Variants in RNF24 observed in about 807,000 individuals in gnomAD.
RNF24 encodes ring finger protein 24.
In RNF24, 14 loss-of-function variants were observed where a neutral mutation model predicts 20.0. The observed-to-expected ratio is 0.70, with a 90% CI of 0.46 to 1.10. RNF24 has a LOEUF of 1.10. RNF24 is among the 50% of genes least tolerant of loss of function. The pLI, the probability that RNF24 is intolerant of heterozygous loss-of-function variation, is 0.00. For missense variants in RNF24, 124 were observed against 177.6 expected (o/e 0.70, Z 1.71); for synonymous variants, 45 against 61.1 (o/e 0.74, Z 1.23).
Position 3,959,647 on chromosome 20 carries a change from G to C in RNF24, c.143+4228C>G, listed in dbSNP as rs2091180011. On this transcript the variant is annotated intron_variant, in intron 2 of 5. Transcript: ENST00000358395. ...ATATGTTGTCATATGTGGCTCTACA[G>C]GGTTAATAACAAAAAATCAGCAGTC... 3.3e-5 allele frequency among the ~76,000 whole-genome samples: 5 copies of C among 152,070 alleles called. No homozygotes were observed. In the South Asian group the frequency reaches 8.3e-4, roughly 25 times the overall value.
intron 1 of RNF24, among the ~76,000 whole-genome samples, chr20:3,992,481 T>A (rs1255602727): frequency 6.6e-6 from 1 of 151,114 alleles, no homozygotes; most frequent in Non-Finnish European, 1.5e-5. Flanking sequence ...ACAAGAAATA[T>A]AAAATTTCAT....
intron 2 of RNF24, among the ~76,000 whole-genome samples, chr20:3,952,762 T>G (rs2091096525): frequency 6.6e-6 from 1 of 152,198 alleles, no homozygotes; most frequent in South Asian, 2.1e-4. Flanking sequence ...AAAAAAATCA[T>G]GAATAGGTAT....
intron 2 of RNF24, among the ~76,000 whole-genome samples, chr20:3,950,272 T>C (rs576250544): frequency 4.6e-5 from 7 of 152,320 alleles, no homozygotes; most frequent in East Asian, 3.9e-4. Context: ...TGAGGTTATA[T>C]TGGATTAAGA....
chr20:3,940,971 A>G (rs1347545580), intron 4 of RNF24, among the ~76,000 whole-genome samples: 1 of 152,236 alleles, frequency 6.6e-6, no homozygotes, highest in Admixed American at 6.5e-5. Context: ...CTGGGAATGC[A>G]TAGCAACAGA....
intron 1 of RNF24, among the ~76,000 whole-genome samples, chr20:4,007,738 C>CAAA (rs1161702317): frequency 1.6e-3 from 90 of 56,264 alleles, no homozygotes; most frequent in African/African-American, 2.5e-3. Flanking sequence ...CCTGTCTCTA[C>CAAA]AAAAAAAAAA....
intron 2 of RNF24, among the ~76,000 whole-genome samples, chr20:3,962,426 A>G (rs1369085848): frequency 6.6e-6 from 1 of 152,214 alleles, no homozygotes; most frequent in African/African-American, 2.4e-5. Flanking sequence ...GATGCAACAA[A>G]AAGTGTAACA....
chr20:3,958,215 T>C (rs2091164247), intron 2 of RNF24, among the ~76,000 whole-genome samples: 1 of 152,224 alleles, frequency 6.6e-6, no homozygotes, highest in Non-Finnish European at 1.5e-5. Context: ...CTCTTATGTG[T>C]GTCTCTTTTC....
intron 1 of RNF24, 69 bp from the exon 2 acceptor site, chr20:3,964,093 G>T: frequency 7.1e-7 from 1 of 1,407,592 alleles, no homozygotes; most frequent in Non-Finnish European, 9.9e-7. Context: ...TTATCATTGT[G>T]CACGTATAGA....
chr20:3,990,751 T>C (rs1980365312), intron 1 of RNF24, among the ~76,000 whole-genome samples: 1 of 152,028 alleles, frequency 6.6e-6, no homozygotes, highest in African/African-American at 2.4e-5. Context: ...TGGCACATGC[T>C]TTTAGTCCTA....
chr20:3,960,115 T>A (rs932510187), intron 2 of RNF24, among the ~76,000 whole-genome samples: 7 of 152,294 alleles, frequency 4.6e-5, no homozygotes, highest in African/African-American at 1.7e-4. Flanking sequence ...TGTTTAGACC[T>A]AAGTTATAGT....
intron 4 of RNF24, among the ~76,000 whole-genome samples, chr20:3,943,245 A>G (rs1437853519): frequency 6.6e-6 from 1 of 152,214 alleles, no homozygotes; most frequent in Non-Finnish European, 1.5e-5. Flanking sequence ...GTAAAGGTCA[A>G]TTCTCTCCAA....
chr20:3,963,654 A>AT (rs1568632786), intron 2 of RNF24, among the ~76,000 whole-genome samples: 2 of 152,310 alleles, frequency 1.3e-5, no homozygotes, highest in East Asian at 3.9e-4. Context: ...AATAAGGACA[A>AT]TTTTCTCCTA....
intron 1 of RNF24, among the ~76,000 whole-genome samples, chr20:3,996,394 T>C (rs1410257857): frequency 6.6e-6 from 1 of 152,224 alleles, no homozygotes; most frequent in East Asian, 1.9e-4. Context: ...TGTATATTAG[T>C]ATATTCTCCG....
chr20:3,946,335 T>C (rs2091016413), intron 3 of RNF24, among the ~76,000 whole-genome samples: 1 of 152,126 alleles, frequency 6.6e-6, no homozygotes, highest in African/African-American at 2.4e-5. Context: ...GGTGTGGTGG[T>C]GCACGCCTGT....
At chr20:3,978,899 A>G (rs1196679168) in intron 1 of RNF24, among the ~76,000 whole-genome samples, 1 of 151,996 alleles carries the variant, frequency 6.6e-6, no homozygotes, top group Non-Finnish European at 1.5e-5. Flanking sequence ...TGAGGTCAGG[A>G]GTTCAAGATC....
At chr20:4,006,699 TC>T (rs1000566317) in intron 1 of RNF24, among the ~76,000 whole-genome samples, 2 of 152,218 alleles carry the variant, frequency 1.3e-5, no homozygotes, top group African/African-American at 4.8e-5. Context: ...CAGTTTCCTT[TC>T]CCTTGCCACT....
chr20:4,006,083 T>A (rs1331279166), intron 1 of RNF24, among the ~76,000 whole-genome samples: 1 of 152,120 alleles, frequency 6.6e-6, no homozygotes, highest in Non-Finnish European at 1.5e-5. Context: ...TTCTATAGAA[T>A]CTATGGTTTA....
At position 3,968,256 on chromosome 20, in the gene RNF24, C is replaced by T. The variant is rs535112008; in HGVS notation, c.-7-4232G>A. ...GGCAGAGGTTGCAGTGAGCTGAGATCGCACCATTGCACTCCAGCCTGGGAC... is the reference window on the plus strand; with the variant it reads ...GGCAGAGGTTGCAGTGAGCTGAGATTGCACCATTGCACTCCAGCCTGGGAC... On this transcript the variant is annotated intron_variant, in intron 1 of 5. Coordinates refer to ENST00000358395, the MANE Select transcript of RNF24 (RefSeq NM_001134337.3). Among the ~76,000 whole-genome samples the T allele has an allele frequency of 8.0e-5, 12 of 150,694 alleles. 1 individual carries two copies. The South Asian group carries it at 1.5e-3, about 18-fold the overall frequency.
At chr20:3,967,554 G>GTT (rs2091270722) in intron 1 of RNF24, among the ~76,000 whole-genome samples, 2 of 152,302 alleles carry the variant, frequency 1.3e-5, no homozygotes, top group East Asian at 3.9e-4. Context: ...CATGACCTGA[G>GTT]TTTAACACAA....
Sources: gnomAD v4.1 joint callset for allele counts (sites outside exome capture counted in the v4.1 genomes callset) on GRCh38, gnomAD v4.1.1 for gene constraint, MANE v1.5 for transcripts, NCBI Gene and HGNC (gene_info 2026-07-23, HGNC 2026-07-21) for gene names.